Variants in SLC5A8 observed in about 807,000 individuals in gnomAD.
SLC5A8 encodes the protein sodium-coupled monocarboxylate transporter 1.
In SLC5A8, 55 loss-of-function variants were observed where a neutral mutation model predicts 71.9. That is an observed-to-expected ratio of 0.77 (90% CI 0.62 to 0.96). SLC5A8 has a LOEUF of 0.96. Ranked by LOEUF, SLC5A8 falls within the 40% of genes least tolerant of loss-of-function variation. The pLI is 0.00. For synonymous variants in SLC5A8, 307 were observed against 276.1 expected (o/e 1.11, Z -1.11); for missense variants, 701 against 745.3 (o/e 0.94, Z 0.69).
chr12:101,207,278 A>C (rs1023202497), intron 1 of SLC5A8, among the ~76,000 whole-genome samples: 5 of 152,234 alleles, frequency 3.3e-5, no homozygotes, highest in Non-Finnish European at 7.3e-5. Flanking sequence ...CTTCAGAAGC[A>C]GCCAGTATGC....
intron 9 of SLC5A8, among the ~76,000 whole-genome samples, chr12:101,180,333 A>G (rs2051920609): frequency 6.6e-6 from 1 of 152,228 alleles, no homozygotes; most frequent in African/African-American, 2.4e-5. Context: ...AGTAGGTTAT[A>G]TAAGTAAAGA....
chr12:101,158,648 T>C (rs2051698023), intron 13 of SLC5A8, among the ~76,000 whole-genome samples: 1 of 135,514 alleles, frequency 7.4e-6, no homozygotes, highest in Admixed American at 7.9e-5. Flanking sequence ...CATATATATG[T>C]GTGTGAGATA....
rs758013925 is a variant in SLC5A8 at position 101,209,454 on chromosome 12, C to T, written c.351+44G>A. The T allele has an allele frequency of 1.4e-5, 21 of 1,475,358 alleles. No individual in the cohort carries two copies. In the Admixed American group the frequency reaches 2.4e-4, roughly 17 times the overall value. The allele number at this position is 1,475,358 out of a possible 1,614,324, so 91.4% of individuals were successfully genotyped here. A position where few individuals can be genotyped will look rare whatever the true frequency, so the allele number is the denominator to read the frequency against. Reference sequence around the variant, plus strand: ...CGCCTCCAGAGGTCTGCAGAGTCCCCTTCCCCCGCGCCCTGCATGGTCCCA... The same window carrying T: ...CGCCTCCAGAGGTCTGCAGAGTCCCTTTCCCCCGCGCCCTGCATGGTCCCA... On this transcript the variant is annotated intron_variant, in intron 1 of 14. Transcript: ENST00000536262.
chr12:101,191,976 T>C (rs930870221), intron 5 of SLC5A8, among the ~76,000 whole-genome samples: 1 of 152,194 alleles, frequency 6.6e-6, no homozygotes, highest in Non-Finnish European at 1.5e-5. Flanking sequence ...GAAAAATGAT[T>C]GGTTCCATAC....
At chr12:101,185,774 T>A (rs1449405771) in intron 7 of SLC5A8, among the ~76,000 whole-genome samples, 1 of 152,140 alleles carries the variant, frequency 6.6e-6, no homozygotes, top group East Asian at 1.9e-4. Flanking sequence ...AGACGGATTT[T>A]ACCATGTTGA....
intron 6 of SLC5A8, 138 bp downstream of exon 6, chr12:101,190,330 T>C: frequency 1.1e-6 from 1 of 945,392 alleles, no homozygotes; most frequent in East Asian, 2.8e-5. Context: ...TTGGTCCTTT[T>C]GTAACCAAAT....
chr12:101,166,356 A>G, intron 12 of SLC5A8, 138 bp downstream of exon 12: 1 of 641,210 alleles, frequency 1.6e-6, no homozygotes, highest in African/African-American at 1.8e-5. Flanking sequence ...AGAAAATACT[A>G]TAGCTAACCA....
chr12:101,160,542 C>A lies in SLC5A8; in HGVS notation c.1630+1432G>T, dbSNP rs73391418. On this transcript the variant is annotated intron_variant, in intron 13 of 14. Coordinates refer to ENST00000536262, the MANE Select transcript of SLC5A8 (RefSeq NM_145913.5). ...ACATGTTGAAGGAGGCAGTTGCACCCTTCCCCTGGCGTGGCTGCTATGGAT... is the reference window on the plus strand; with the variant it reads ...ACATGTTGAAGGAGGCAGTTGCACCATTCCCCTGGCGTGGCTGCTATGGAT... Among the ~76,000 whole-genome samples, 669 of 152,234 alleles carry A rather than the reference C, an allele frequency of 4.4e-3. 8 individuals are homozygous for A. Among genetic ancestry groups the A allele is most frequent in the African/African-American group, 0.016 (648 of 41,542 alleles).
At chr12:101,195,701 T>G (rs1353916971) in intron 3 of SLC5A8, among the ~76,000 whole-genome samples, 1 of 145,738 alleles carries the variant, frequency 6.9e-6, no homozygotes, top group African/African-American at 2.5e-5. Flanking sequence ...ATTCCTTTTT[T>G]TTTTTTTTTT....
intron 8 of SLC5A8, among the ~76,000 whole-genome samples, chr12:101,183,552 T>C (rs535755233): frequency 1.3e-5 from 2 of 152,260 alleles, no homozygotes; most frequent in Admixed American, 1.3e-4. Flanking sequence ...AAATGTATTT[T>C]TCTTTGTGCA....
intron 6 of SLC5A8, among the ~76,000 whole-genome samples, chr12:101,189,630 C>T (rs1868812736): frequency 6.6e-6 from 1 of 152,172 alleles, no homozygotes; most frequent in Non-Finnish European, 1.5e-5. Flanking sequence ...ATTCCACACT[C>T]TTTGCTCAAG....
chr12:101,209,029 G>T lies in SLC5A8; in HGVS notation c.351+469C>A, dbSNP rs553940786. 1.6e-4 allele frequency among the ~76,000 whole-genome samples: 25 copies of T among 152,266 alleles called. No homozygotes were observed. The South Asian group carries it at 5.2e-3, about 32-fold the overall frequency. ...TGGAAAGGGGGTGGGTGTGGAAGGG[G>T]AAGGAAGGGGAGTACAAATTCTTTA... On this transcript the variant is annotated intron_variant, in intron 1 of 14. Coordinates refer to ENST00000536262, the MANE Select transcript of SLC5A8 (RefSeq NM_145913.5).
At chr12:101,189,612 C>A (rs539748144) in intron 6 of SLC5A8, among the ~76,000 whole-genome samples, 9 of 152,140 alleles carry the variant, frequency 5.9e-5, no homozygotes, top group Admixed American at 2.0e-4. Context: ...GAGAAGGAAC[C>A]AGCCACCATT....
At position 101,193,716 on chromosome 12, in the gene SLC5A8, C is replaced by A. The variant is rs780556261; in HGVS notation, c.601G>T (p.Ala201Ser). Reference sequence around the variant, plus strand: ...ACCACAGCCTGTATAATCACGGATGCAAATCCAGCCACCATGATCCCAACT... The same window carrying A: ...ACCACAGCCTGTATAATCACGGATGAAAATCCAGCCACCATGATCCCAACT... ...FQVGIMVAGF[A>S]SVIIQAVVMQ... is the part of the protein sequence containing the mutation. Residue 201 changes from alanine (A) to serine (S), a missense_variant, in exon 5 of 15, where the codon GCA (alanine) becomes TCA (serine). Coordinates refer to ENST00000536262, the MANE Select transcript of SLC5A8 (RefSeq NM_145913.5). 3.1e-6 allele frequency: 5 copies of A among 1,614,142 alleles called. No individual in the cohort carries two copies. The highest frequency in any genetic ancestry group is 1.1e-5 in the South Asian group (1 of 91,086).
chr12:101,175,468 T>C (rs2051870996), intron 10 of SLC5A8, among the ~76,000 whole-genome samples: 1 of 152,028 alleles, frequency 6.6e-6, no homozygotes, highest in African/African-American at 2.4e-5. Context: ...TGAAAGAAGC[T>C]GATTCAAGAT....
At chr12:101,192,661 A>G (rs1335511927) in intron 5 of SLC5A8, among the ~76,000 whole-genome samples, 1 of 152,238 alleles carries the variant, frequency 6.6e-6, no homozygotes, top group Non-Finnish European at 1.5e-5. Flanking sequence ...CATGTGCTGT[A>G]CTGTCATTTG....
chr12:101,205,726 C>T (rs1869654181), intron 1 of SLC5A8, among the ~76,000 whole-genome samples: 1 of 152,206 alleles, frequency 6.6e-6, no homozygotes, highest in African/African-American at 2.4e-5. Context: ...GAGACAAGAA[C>T]ACTGGGCCTC....
intron 10 of SLC5A8, among the ~76,000 whole-genome samples, chr12:101,169,504 G>A (rs117955473): frequency 1.3e-5 from 2 of 152,176 alleles, no homozygotes; most frequent in Non-Finnish European, 2.9e-5. Flanking sequence ...ATCAGGGATG[G>A]GGTCAAACTA....
chr12:101,156,448 A>T lies in SLC5A8; in HGVS notation c.*831T>A, dbSNP rs2051662800. 1 of 152,212 alleles carries T rather than the reference A, an allele frequency of 6.6e-6. No homozygotes were observed. Among genetic ancestry groups the T allele is most frequent in the Non-Finnish European group, 1.5e-5 (1 of 68,040 alleles). 9.4% of individuals were successfully genotyped at this position (152,212 alleles called of 1,614,324 possible). A position where few individuals can be genotyped will look rare whatever the true frequency, so the allele number is the denominator to read the frequency against. On this transcript the variant is annotated 3_prime_UTR_variant, in exon 15 of 15. Coordinates refer to ENST00000536262, the MANE Select transcript of SLC5A8 (RefSeq NM_145913.5). The stretch of plus-strand genomic sequence containing the variant: ...ATAAGCCAGGATTTGGGGTGGCATG[A>T]TTCACATGAGTGTCTTGAGACATAT...
Sources: gnomAD v4.1 joint callset for allele counts (sites outside exome capture counted in the v4.1 genomes callset) on GRCh38, gnomAD v4.1.1 for gene constraint, MANE v1.5 for transcripts, NCBI Gene and HGNC (gene_info 2026-07-23, HGNC 2026-07-21) for gene names.